Variants in ABHD2 observed in about 807,000 individuals in gnomAD.
ABHD2 encodes the protein monoacylglycerol lipase ABHD2.
A neutral mutation model predicts 48.1 loss-of-function variants in ABHD2; 20 were observed. That is an observed-to-expected ratio of 0.42 (90% CI 0.29 to 0.60). The LOEUF is 0.60. Among genes scored for constraint, ABHD2 ranks in the 20% least tolerant of loss-of-function variants. The pLI is 0.24. For synonymous variants in ABHD2, 209 were observed against 214.2 expected (o/e 0.98, Z 0.21); for missense variants, 405 against 550.9 (o/e 0.74, Z 2.65).
Position 89,175,853 on chromosome 15 carries a change from A to G in ABHD2, c.580A>G (p.Lys194Glu), listed in dbSNP as rs752067835. 1 of 1,614,088 alleles carries G rather than the reference A, an allele frequency of 6.2e-7. No homozygotes were observed. Among genetic ancestry groups the G allele is most frequent in the Non-Finnish European group, 8.5e-7 (1 of 1,180,002 alleles). ...TGGAGCCATGGTGAACTACATCAAG[A>G]AGACATATCCCCTGACCCAGCTGGT... ...EFGAMVNYIK[K>E]TYPLTQLVVV... Residue 194 changes from lysine (K) to glutamate (E), a missense_variant, in exon 6 of 11, where the codon AAG becomes GAG. Coordinates refer to ENST00000352732, the MANE Select transcript of ABHD2 (RefSeq NM_152924.5). This position sits in a 1 kb window ranked among gnomAD's most constrained non-coding sequence, Gnocchi z 5.7.
At chr15:89,149,080 A>C (rs1240486205) in intron 3 of ABHD2, among the ~76,000 whole-genome samples, 1 of 152,230 alleles carries the variant, frequency 6.6e-6, no homozygotes, top group Non-Finnish European at 1.5e-5. Flanking sequence ...TTGTATTATT[A>C]TGAAGTTAAT....
At chr15:89,088,196 T>C (rs971965273), upstream of ABHD2, 2 of 152,370 alleles carry the variant, frequency 1.3e-5, no homozygotes, top group African/African-American at 4.8e-5. This position sits in a 1 kb window ranked among gnomAD's most constrained non-coding sequence, Gnocchi z 6.8. Flanking sequence ...CCTTATCCAG[T>C]AGCGTCTGGG....
At chr15:89,069,212 A>G in the ABHD2 span, among the ~76,000 whole-genome samples, 39 of 151,082 alleles carry the variant, frequency 2.6e-4, no homozygotes, top group South Asian at 7.1e-3. Flanking sequence ...TGCAGCCTCA[A>G]ACTCCTGGGC....
At chr15:89,084,488 C>T (rs570725726), upstream of ABHD2, among the ~76,000 whole-genome samples, 1 of 152,200 alleles carries the variant, frequency 6.6e-6, no homozygotes, top group Admixed American at 6.5e-5. This position sits in a 1 kb window ranked among gnomAD's most constrained non-coding sequence, Gnocchi z 4.4. Flanking sequence ...TTAGTAGAGA[C>T]GGTGTTTCGC....
chr15:89,085,740 T>C (rs1901336177), upstream of ABHD2, among the ~76,000 whole-genome samples: 1 of 152,226 alleles, frequency 6.6e-6, no homozygotes, highest in East Asian at 1.9e-4. The surrounding 1 kb of genome is among the most constrained non-coding windows in gnomAD (Gnocchi z 4.2). Flanking sequence ...CCATCTGCAA[T>C]CTACTCCTAA....
the ABHD2 span, among the ~76,000 whole-genome samples, chr15:89,076,383 C>G: frequency 6.6e-6 from 1 of 152,180 alleles, no homozygotes; most frequent in African/African-American, 2.4e-5. Context: ...ATATGTATCT[C>G]TGAAATAGAA....
In ABHD2 at chr15:89,120,534, C is replaced by T. The variant is rs59574932; in HGVS notation, c.194+4013C>T. 0.041 allele frequency among the ~76,000 whole-genome samples: 6,227 copies of T among 152,120 alleles called. 423 individuals are homozygous for T. Among genetic ancestry groups the T allele is most frequent in the African/African-American group, 0.14 (5,678 of 41,450 alleles). On this transcript the variant is annotated intron_variant, in intron 3 of 10. Coordinates refer to ENST00000352732, the MANE Select transcript of ABHD2 (RefSeq NM_152924.5). The surrounding 1 kb of genome is among the most constrained non-coding windows in gnomAD (Gnocchi z 4.2). Reference sequence around the variant, plus strand: ...TCACTCTGTTGCCTAGGCTGGAGTACAGTGGCGCAATCTCAAATCTCGGTT... The same window carrying T: ...TCACTCTGTTGCCTAGGCTGGAGTATAGTGGCGCAATCTCAAATCTCGGTT...
At chr15:89,118,046 G>A (rs2049989234) in intron 3 of ABHD2, among the ~76,000 whole-genome samples, 1 of 152,166 alleles carries the variant, frequency 6.6e-6, no homozygotes, top group Non-Finnish European at 1.5e-5. Context: ...AGCCTCCACA[G>A]CCAGGCACAA....
In ABHD2 at chr15:89,185,345, C is replaced by A; in HGVS notation, c.723-79C>A. The A allele has an allele frequency of 2.7e-6, 3 of 1,126,462 alleles. No homozygotes were observed. The highest frequency in any genetic ancestry group is 1.3e-5 in the South Asian group (1 of 78,138). 69.8% of individuals were successfully genotyped at this position (1,126,462 alleles called of 1,614,324 possible). A position where few individuals can be genotyped will look rare whatever the true frequency, so the allele number is the denominator to read the frequency against. The stretch of plus-strand genomic sequence containing the variant: ...GGCCCTCTCCACACAAGCACCTCAC[C>A]CCATGGCTAGAGCCCCCTCCTGGCT... On this transcript the variant is annotated intron_variant, in intron 6 of 10. Transcript: ENST00000352732. The surrounding 1 kb of genome is among the most constrained non-coding windows in gnomAD (Gnocchi z 5.9).
Position 89,141,894 on chromosome 15 carries a change from T to C in ABHD2, c.195-9783T>C, listed in dbSNP as rs75472573. Among the ~76,000 whole-genome samples, 1,039 of 152,350 alleles carry C rather than the reference T, an allele frequency of 6.8e-3. 11 individuals are homozygous for C. The highest frequency in any genetic ancestry group is 0.023 in the African/African-American group (970 of 41,572). On this transcript the variant is annotated intron_variant, in intron 3 of 10. Transcript: ENST00000352732. ...CTTTAAAATGGCCAGCATCAGAATA[T>C]ATACATGCTAATTTGATATATTTTT... is the stretch of plus-strand genomic sequence containing the variant.
At chr15:89,109,508 C>A (rs958853581) in intron 1 of ABHD2, among the ~76,000 whole-genome samples, 1 of 151,916 alleles carries the variant, frequency 6.6e-6, no homozygotes, top group African/African-American at 2.4e-5. Flanking sequence ...CTGCGACATA[C>A]CCAGCCCTCC....
chr15:89,064,134 A>G, the ABHD2 span, among the ~76,000 whole-genome samples: 2,068 of 151,492 alleles, frequency 0.014, 61 homozygotes, highest in African/African-American at 0.048. Flanking sequence ...TGGCTTATTT[A>G]GCATAATGCC....
rs142873328 is a variant in ABHD2 at position 89,151,761 on chromosome 15, T to A, written c.279T>A (p.His93Gln). The A allele has an allele frequency of 6.2e-7, 1 of 1,614,064 alleles. No individual in the cohort carries two copies. Among genetic ancestry groups the A allele is most frequent in the Non-Finnish European group, 8.5e-7 (1 of 1,180,044 alleles). The change falls in exon 4 of 11, where the codon CAT becomes CAA. Residue 93 changes from histidine (H) to glutamine (Q), a missense_variant. Physicochemically the swap from His to Gln is conservative, Grantham distance 24. Coordinates refer to ENST00000352732, the MANE Select transcript of ABHD2 (RefSeq NM_152924.5). This position sits in a 1 kb window ranked among gnomAD's most constrained non-coding sequence, Gnocchi z 4.7. ...AGATGGGAAGGGTGAGGTCGCCACA[T>A]CCTTATGGGCACCGGAAGTTCATCA... ...YGKMGRVRSP[H>Q]PYGHRKFITM...
the ABHD2 span, among the ~76,000 whole-genome samples, chr15:89,059,247 A>T: frequency 6.6e-6 from 1 of 152,074 alleles, no homozygotes; most frequent in Admixed American, 6.5e-5. Flanking sequence ...AGAGGGGTAC[A>T]TCTGCCCACC....
the ABHD2 span, among the ~76,000 whole-genome samples, chr15:89,052,739 C>A: frequency 6.6e-6 from 1 of 152,274 alleles, no homozygotes; most frequent in African/African-American, 2.4e-5. Context: ...CCAGCCAATA[C>A]CCTGATCTCA....
chr15:89,167,393 G>C lies in ABHD2; in HGVS notation c.539-8419G>C, dbSNP rs561674742. On this transcript the variant is annotated intron_variant, in intron 5 of 10. Coordinates refer to ENST00000352732, the MANE Select transcript of ABHD2 (RefSeq NM_152924.5). The surrounding 1 kb of genome is among the most constrained non-coding windows in gnomAD (Gnocchi z 5.5). ...GGAGAGAGAGAATGTGAAAGTGAAG[G>C]TAGTGAGTTTGCAGAACTCAGACAT... Among the ~76,000 whole-genome samples, 3 of 152,132 alleles carry C rather than the reference G, an allele frequency of 2.0e-5. No individual in the cohort carries two copies. The highest frequency in any genetic ancestry group is 4.4e-5 in the Non-Finnish European group (3 of 68,022).
chr15:89,071,797 G>A, the ABHD2 span, among the ~76,000 whole-genome samples: 1 of 152,150 alleles, frequency 6.6e-6, no homozygotes, highest in Non-Finnish European at 1.5e-5. Context: ...TTGCTATTGG[G>A]TATGTTTATC....
At chr15:89,047,146 C>T in the ABHD2 span, among the ~76,000 whole-genome samples, 6 of 151,894 alleles carry the variant, frequency 4.0e-5, no homozygotes, top group Non-Finnish European at 8.8e-5. Flanking sequence ...GCCTTCATTT[C>T]GTTATGTACC....
chr15:89,115,372 GTGTGTGTGTGT>G (rs2049940327), intron 2 of ABHD2, among the ~76,000 whole-genome samples: 2 of 12,650 alleles, frequency 1.6e-4, no homozygotes, highest in East Asian at 0.038. Flanking sequence ...TTGGAGGTAT[GTGTGTGTGTGT>G]GTGTGTGTGT....
Sources: gnomAD v4.1 joint callset for allele counts (sites outside exome capture counted in the v4.1 genomes callset) on GRCh38, gnomAD v4.1.1 for gene constraint, Gnocchi (gnomAD v3.1) non-coding constraint, MANE v1.5 for transcripts, NCBI Gene and HGNC (gene_info 2026-07-23, HGNC 2026-07-21) for gene names.